Variants in RAB3GAP1 observed in about 807,000 individuals in gnomAD.
The protein encoded by RAB3GAP1 is rab3 GTPase-activating protein catalytic subunit.
In RAB3GAP1, 86 loss-of-function variants were observed where a neutral mutation model predicts 130.7. That is an observed-to-expected ratio of 0.66 (90% CI 0.55 to 0.79). The LOEUF (loss-of-function observed/expected upper bound fraction) is 0.79. Among genes scored for constraint, RAB3GAP1 ranks in the 30% least tolerant of loss-of-function variants. The pLI is 0.00. For synonymous variants in RAB3GAP1, 367 were observed against 401.7 expected (o/e 0.91, Z 1.03); for missense variants, 1,029 against 1,169.4 (o/e 0.88, Z 1.75).
At chr2:135,110,623 A>G (rs1690776298) in intron 5 of RAB3GAP1, among the ~76,000 whole-genome samples, 1 of 152,208 alleles carries the variant, frequency 6.6e-6, no homozygotes, top group South Asian at 2.1e-4. Flanking sequence ...GTGTGTGTGT[A>G]CAGTAAGGAG....
Position 135,168,786 on chromosome 2 carries a change from T to C in RAB3GAP1, c.*5T>C, listed in dbSNP as rs2105008576. 1.2e-6 allele frequency: 2 copies of C among 1,607,552 alleles called. No homozygotes were observed. The highest frequency in any genetic ancestry group is 1.3e-5 in the African/African-American group (1 of 74,912). ...TCAGATACTTCCTTCTTCTGATTCT[T>C]CTAGCATTACTCGTTGGTGGCTTCA... is the stretch of plus-strand genomic sequence containing the variant. On this transcript the variant is annotated 3_prime_UTR_variant, in exon 24 of 24. Transcript: ENST00000264158.
chr2:135,154,397 C>A (rs1294219695), intron 19 of RAB3GAP1, among the ~76,000 whole-genome samples: 1 of 152,138 alleles, frequency 6.6e-6, no homozygotes, highest in Non-Finnish European at 1.5e-5. Flanking sequence ...AATTGCCCTG[C>A]ACACCTTCCT....
intron 17 of RAB3GAP1, among the ~76,000 whole-genome samples, chr2:135,147,120 TGGA>T (rs968702143): frequency 1.3e-5 from 2 of 151,980 alleles, no homozygotes; most frequent in African/African-American, 4.8e-5. Flanking sequence ...CCGAGGCAGG[TGGA>T]TCACCTGAGG....
At chr2:135,072,666 C>T (rs1405326273) in intron 3 of RAB3GAP1, among the ~76,000 whole-genome samples, 1 of 152,196 alleles carries the variant, frequency 6.6e-6, no homozygotes, top group African/African-American at 2.4e-5. Context: ...CTGAACATCC[C>T]TTATTTTTAA....
intron 3 of RAB3GAP1, among the ~76,000 whole-genome samples, chr2:135,088,752 T>C (rs945048416): frequency 6.6e-6 from 1 of 150,704 alleles, no homozygotes; most frequent in African/African-American, 2.4e-5. Context: ...CACTTTTTGA[T>C]GGGGTTGTTT....
At chr2:135,065,705 AAAC>A (rs1349413972) in intron 3 of RAB3GAP1, among the ~76,000 whole-genome samples, 29 of 152,202 alleles carry the variant, frequency 1.9e-4, no homozygotes, top group Non-Finnish European at 1.5e-5. Flanking sequence ...GTGAAAACTT[AAAC>A]GTCACGCTTT....
intron 5 of RAB3GAP1, among the ~76,000 whole-genome samples, chr2:135,107,617 C>A (rs1005945373): frequency 1.3e-5 from 2 of 152,076 alleles, no homozygotes; most frequent in Admixed American, 1.3e-4. Context: ...CTTTTTTATA[C>A]CATTTTTTTA....
downstream of RAB3GAP1, among the ~76,000 whole-genome samples, chr2:135,174,686 A>G (rs1038132778): frequency 2.0e-5 from 3 of 152,244 alleles, no homozygotes; most frequent in Non-Finnish European, 2.9e-5. Flanking sequence ...CCCATGTTAC[A>G]TAACGAGGGA....
chr2:135,164,232 T>C lies in RAB3GAP1; in HGVS notation c.2607-362T>C, dbSNP rs371480812. 9.2e-5 allele frequency among the ~76,000 whole-genome samples: 14 copies of C among 152,390 alleles called. No homozygotes were observed. In the South Asian group the frequency reaches 2.1e-3, roughly 23 times the overall value. On this transcript the variant is annotated intron_variant, in intron 22 of 23. Coordinates refer to ENST00000264158, the MANE Select transcript of RAB3GAP1 (RefSeq NM_012233.3). ...ACAAAAACAAATATGGATCATTGCT[T>C]TTATTGGATAAATATAACTTGGTTT... is the stretch of plus-strand genomic sequence containing the variant.
chr2:135,117,447 TCTTCTTCTG>T lies in RAB3GAP1; in HGVS notation c.648+2072_648+2080del, dbSNP rs1302732995. Among the ~76,000 whole-genome samples the T allele has an allele frequency of 6.7e-3, 373 of 55,426 alleles. 6 individuals carry two copies. Among genetic ancestry groups the T allele is most frequent in the Admixed American group, 0.021 (94 of 4,436 alleles). The allele number at this position is 55,426 out of a possible 152,430, so 36.4% of individuals were successfully genotyped here. ...TTCTTCTTCTTCTTCTTCTTCTTCT[TCTTCTTCTG>T]CTTCTGCTTCTGCTTCTGCTTCTTC... On this transcript the variant is annotated intron_variant, in intron 7 of 23. Coordinates refer to ENST00000264158, the MANE Select transcript of RAB3GAP1 (RefSeq NM_012233.3).
intron 7 of RAB3GAP1, among the ~76,000 whole-genome samples, chr2:135,118,551 C>T (rs536176572): frequency 1.3e-5 from 2 of 152,118 alleles, no homozygotes; most frequent in Admixed American, 1.3e-4. Flanking sequence ...GGATATTTGT[C>T]TCTTTTAGAA....
chr2:135,122,219 C>T (rs1410664672), intron 8 of RAB3GAP1, among the ~76,000 whole-genome samples: 1 of 152,144 alleles, frequency 6.6e-6, no homozygotes, highest in Non-Finnish European at 1.5e-5. Context: ...AGGACCGTAT[C>T]TAGACTACAA....
Position 135,098,145 on chromosome 2 carries a change from C to T in RAB3GAP1, c.362+4452C>T, listed in dbSNP as rs917772590. Among the ~76,000 whole-genome samples the T allele has an allele frequency of 2.0e-5, 3 of 152,114 alleles. No individual in the cohort carries two copies. The East Asian group carries it at 5.8e-4, about 29-fold the overall frequency. On this transcript the variant is annotated intron_variant, in intron 5 of 23. Coordinates refer to ENST00000264158, the MANE Select transcript of RAB3GAP1 (RefSeq NM_012233.3). ...GTTTATTTGTCCATTTATATCTTCT[C>T]TGTATTAACAGTGTCCAAGTCTTTT... is the stretch of plus-strand genomic sequence containing the variant.
intron 23 of RAB3GAP1, chr2:135,167,594 C>A: frequency 1.9e-6 from 2 of 1,028,116 alleles, no homozygotes; most frequent in Non-Finnish European, 2.9e-6. Context: ...GTAGTGCATA[C>A]TGTCTTTGAA....
intron 11 of RAB3GAP1, 34 bp downstream of exon 11, chr2:135,126,690 G>T (rs781154315): frequency 6.5e-7 from 1 of 1,533,498 alleles, no homozygotes; most frequent in Non-Finnish European, 9.0e-7. Flanking sequence ...CTGAAATACT[G>T]CTGATCTGCC....
chr2:135,132,634 C>T (rs1036641799), intron 13 of RAB3GAP1, among the ~76,000 whole-genome samples: 10 of 152,092 alleles, frequency 6.6e-5, no homozygotes, highest in African/African-American at 2.4e-4. Context: ...TTGCACCTTT[C>T]AGCTTACAGA....
At chr2:135,072,245 G>C (rs1005449601) in intron 3 of RAB3GAP1, among the ~76,000 whole-genome samples, 3 of 152,158 alleles carry the variant, frequency 2.0e-5, no homozygotes, top group African/African-American at 7.2e-5. Flanking sequence ...GGGACTTATC[G>C]GAGAGGGGGA....
chr2:135,117,756 G>A (rs62170240), intron 7 of RAB3GAP1, among the ~76,000 whole-genome samples: 1 of 51,022 alleles, frequency 2.0e-5, no homozygotes, highest in East Asian at 5.0e-4. Context: ...TTCTGCTTCT[G>A]CTTCTTCTGC....
rs1166953627 is a variant in RAB3GAP1, at chr2:135,149,039, C to T, written c.1924-1330C>T. Reference sequence around the variant, plus strand: ...AAACAGTATATGTGAAAATGTATGGCCCACATGCAACTTGCTGCTTATTCT... The same window carrying T: ...AAACAGTATATGTGAAAATGTATGGTCCACATGCAACTTGCTGCTTATTCT... On this transcript the variant is annotated intron_variant, in intron 17 of 23. Transcript: ENST00000264158. Among the ~76,000 whole-genome samples the T allele has an allele frequency of 4.6e-5, 7 of 152,126 alleles. 1 individual carries two copies. The highest frequency in any genetic ancestry group is 8.8e-5 in the Non-Finnish European group (6 of 68,012).
Sources: allele counts gnomAD v4.1 joint callset (sites outside exome capture counted in the v4.1 genomes callset), GRCh38; gene constraint gnomAD v4.1.1; transcripts MANE v1.5; gene names NCBI Gene and HGNC (gene_info 2026-07-23, HGNC 2026-07-21).